Variants in ADARB2 observed in about 807,000 individuals in gnomAD.
ADARB2 encodes adenosine deaminase RNA specific B2 (inactive).
ADARB2 carries 25 observed loss-of-function variants against 62.2 expected under a neutral mutation model. That is an observed-to-expected ratio of 0.40 (90% CI 0.29 to 0.56). ADARB2 has a LOEUF of 0.56. Ranked by LOEUF, ADARB2 falls within the 20% of genes least tolerant of loss-of-function variation. The pLI, the probability that ADARB2 is intolerant of heterozygous loss-of-function variation, is 0.43. For synonymous variants in ADARB2, 572 were observed against 500.8 expected (o/e 1.14, Z -1.90); for missense variants, 1,071 against 1,077.4 (o/e 0.99, Z 0.08).
chr10:1,660,514 C>T (rs138169111), intron 1 of ADARB2, among the ~76,000 whole-genome samples: 32 of 152,194 alleles, frequency 2.1e-4, no homozygotes, highest in South Asian at 6.2e-4. Flanking sequence ...AAAGAAGGAA[C>T]GAATAGCTCC....
At chr10:1,707,214 G>C (rs570247868) in intron 1 of ADARB2, among the ~76,000 whole-genome samples, 1 of 152,184 alleles carries the variant, frequency 6.6e-6, no homozygotes, top group African/African-American at 2.4e-5. Context: ...CCGCGGCCCC[G>C]ATCTGCCCAG....
At chr10:1,353,799 C>T (rs768051466) in intron 3 of ADARB2, among the ~76,000 whole-genome samples, 18 of 152,128 alleles carry the variant, frequency 1.2e-4, no homozygotes, top group Non-Finnish European at 2.2e-4. Flanking sequence ...ACAGACAAGC[C>T]CTCTATCAAT....
At chr10:1,285,640 G>T (rs1192250201) in intron 3 of ADARB2, among the ~76,000 whole-genome samples, 2 of 152,192 alleles carry the variant, frequency 1.3e-5, no homozygotes, top group East Asian at 3.8e-4. Flanking sequence ...AAAGCAAAAG[G>T]CTGCTCTGTT....
At chr10:1,378,229 C>T (rs377152565) in intron 2 of ADARB2, among the ~76,000 whole-genome samples, 1 of 152,206 alleles carries the variant, frequency 6.6e-6, no homozygotes, top group Admixed American at 6.5e-5. Context: ...CGCTCAGATC[C>T]CTTTCCTAAA....
rs1564237280 is a variant in ADARB2 at position 1,255,906 on chromosome 10, CA to C, written c.1193-13608del. 6.6e-6 allele frequency among the ~76,000 whole-genome samples: 1 copy of C among 151,342 alleles called. No homozygotes were observed. Among genetic ancestry groups the C allele is most frequent in the Non-Finnish European group, 1.5e-5 (1 of 68,044 alleles). ...GGCAAGCACATTGACAACCACATGTCAGCCCTGGGAGCTAACGGTGTTTACA... is the reference window on the plus strand; with the variant it reads ...GGCAAGCACATTGACAACCACATGTCGCCCTGGGAGCTAACGGTGTTTACA... On this transcript the variant is annotated intron_variant, in intron 4 of 9. Coordinates refer to ENST00000381312, the MANE Select transcript of ADARB2 (RefSeq NM_018702.4). The surrounding 1 kb of genome is among the most constrained non-coding windows in gnomAD (Gnocchi z 4.7).
chr10:1,317,041 A>C (rs563624329), intron 3 of ADARB2, among the ~76,000 whole-genome samples: 2 of 152,316 alleles, frequency 1.3e-5, no homozygotes, highest in South Asian at 4.1e-4. Flanking sequence ...AGGAAAAATC[A>C]TTTTTATGGG....
intron 1 of ADARB2, among the ~76,000 whole-genome samples, chr10:1,571,886 A>T (rs1285186251): frequency 7.8e-6 from 1 of 127,694 alleles, no homozygotes; most frequent in African/African-American, 3.3e-5. Flanking sequence ...GCGAGTAGGC[A>T]GGTGAGTGTG....
At chr10:1,369,079 C>T (rs1832341923) in intron 2 of ADARB2, among the ~76,000 whole-genome samples, 1 of 152,208 alleles carries the variant, frequency 6.6e-6, no homozygotes, top group Non-Finnish European at 1.5e-5. Flanking sequence ...GAACCACTCA[C>T]AGCTTTAACG....
At chr10:1,663,479 T>C (rs1834274864) in intron 1 of ADARB2, among the ~76,000 whole-genome samples, 1 of 152,184 alleles carries the variant, frequency 6.6e-6, no homozygotes. Context: ...CATGAATCTT[T>C]TTACTGTCCG....
Position 1,363,207 on chromosome 10 carries a change from C to A in ADARB2, c.898G>T (p.Glu300Ter). Residue 300 changes from glutamate (E) to a stop codon, truncating the protein, a stop_gained, in exon 3 of 10, where the codon GAG becomes TAG. Coordinates refer to ENST00000381312, the MANE Select transcript of ADARB2 (RefSeq NM_018702.4). LOFTEE classifies it high-confidence loss of function. The part of the protein sequence containing the change: ...LRYVCLAEPA[E>*]RRARSFVMAV... ...ATCACGAAGCTCCGCGCGCGCCGCT[C>A]GGCCGGTTCTGCCAGACACACGTAG... 6.8e-7 allele frequency: 1 copy of A among 1,473,360 alleles called. No individual in the cohort carries two copies. The highest frequency in any genetic ancestry group is 9.0e-7 in the Non-Finnish European group (1 of 1,114,534). 91.3% of individuals were successfully genotyped at this position (1,473,360 alleles called of 1,614,324 possible).
intron 1 of ADARB2, among the ~76,000 whole-genome samples, chr10:1,503,878 G>A (rs547891359): frequency 2.0e-4 from 31 of 152,150 alleles, no homozygotes; most frequent in African/African-American, 7.2e-4. Context: ...GCTTCCTGAG[G>A]CCTCCCCAGA....
intron 7 of ADARB2, among the ~76,000 whole-genome samples, chr10:1,208,331 T>C (rs1837097011): frequency 6.6e-6 from 1 of 152,160 alleles, no homozygotes; most frequent in Admixed American, 6.5e-5. Context: ...TCTGAAAAGG[T>C]GTCTGCAGGG....
intron 1 of ADARB2, among the ~76,000 whole-genome samples, chr10:1,406,812 C>A (rs983361773): frequency 6.6e-6 from 1 of 152,212 alleles, no homozygotes; most frequent in African/African-American, 2.4e-5. Flanking sequence ...GGCCCTGATT[C>A]CTGCACGTCC....
In ADARB2 at chr10:1,363,072, G is replaced by C; in HGVS notation, c.1033C>G (p.Pro345Ala). 1 of 1,462,022 alleles carries C rather than the reference G, an allele frequency of 6.8e-7. No individual in the cohort carries two copies. Among genetic ancestry groups the C allele is most frequent in the Non-Finnish European group, 9.0e-7 (1 of 1,110,568 alleles). 90.6% of individuals were successfully genotyped at this position (1,462,022 alleles called of 1,614,324 possible). A position where few individuals can be genotyped will look rare whatever the true frequency, so the allele number is the denominator to read the frequency against. Residue 345 changes from proline (P) to alanine (A), a missense_variant, in exon 3 of 10, where the codon CCC (proline) becomes GCC (alanine). By Grantham distance (27) the Pro-to-Ala change is conservative. Transcript: ENST00000381312. ...ALQELFDIQM[P>A]GHAPGRARRT... ...CTGGCCCTGCCGGGCGCGTGGCCGG[G>C]CATCTGGATGTCGAACAGCTCCTGC...
At chr10:1,510,637 T>G (rs573882056) in intron 1 of ADARB2, among the ~76,000 whole-genome samples, 2 of 152,228 alleles carry the variant, frequency 1.3e-5, no homozygotes, top group Non-Finnish European at 2.9e-5. Flanking sequence ...TCTGGAGACC[T>G]TGGAGATGAA....
intron 3 of ADARB2, among the ~76,000 whole-genome samples, chr10:1,336,778 T>A (rs994367416): frequency 6.6e-6 from 1 of 152,166 alleles, no homozygotes; most frequent in Non-Finnish European, 1.5e-5. Context: ...TGAAGTTTTA[T>A]TATTGTCCTT....
intron 1 of ADARB2, among the ~76,000 whole-genome samples, chr10:1,473,426 G>A (rs767807256): frequency 4.6e-5 from 7 of 151,810 alleles, no homozygotes; most frequent in Middle Eastern, 3.2e-3. Flanking sequence ...TCTGTTGCTC[G>A]GGCTGGAGTG....
intron 6 of ADARB2, among the ~76,000 whole-genome samples, chr10:1,219,363 T>G (rs1167474336): frequency 6.6e-6 from 1 of 152,268 alleles, no homozygotes; most frequent in Admixed American, 6.5e-5. Flanking sequence ...CCAGTGTATT[T>G]TCTAATTGTC....
chr10:1,564,511 T>A lies in ADARB2; in HGVS notation c.100+172540A>T, dbSNP rs375996478. Among the ~76,000 whole-genome samples the A allele has an allele frequency of 8.6e-4, 131 of 152,138 alleles. 2 individuals carry two copies. The East Asian group carries it at 0.019, about 22-fold the overall frequency. Reference sequence around the variant, plus strand: ...GGAGAAAATTTTTGCAACCTACTCATCTGACAAAGGGCTAATATCCAGAAT... The same window carrying A: ...GGAGAAAATTTTTGCAACCTACTCAACTGACAAAGGGCTAATATCCAGAAT... On this transcript the variant is annotated intron_variant, in intron 1 of 9. Transcript: ENST00000381312.
Sources: allele counts gnomAD v4.1 joint callset (sites outside exome capture counted in the v4.1 genomes callset), GRCh38; gene constraint gnomAD v4.1.1; non-coding constraint Gnocchi (gnomAD v3.1); transcripts MANE v1.5; gene names NCBI Gene and HGNC (gene_info 2026-07-23, HGNC 2026-07-21).